FAM217A: variants seen among roughly 807,000 people sequenced by gnomAD.
The protein encoded by FAM217A is protein FAM217A.
In FAM217A, 13 loss-of-function variants were observed where a neutral mutation model predicts 18.5. The ratio of observed to expected loss-of-function variants is 0.70; its 90% CI spans 0.46 to 1.12. FAM217A has a LOEUF of 1.12. Ranked by LOEUF, FAM217A falls within the 50% of genes most tolerant of loss-of-function variation. The pLI is 0.00. For missense variants in FAM217A, 560 were observed against 575.4 expected, an observed-to-expected ratio of 0.97 and a Z score of 0.27; for synonymous variants, 161 against 202.8, an observed-to-expected ratio of 0.79 and a Z score of 1.75.
intron 6 of FAM217A, 114 bp downstream of exon 6, chr6:4,073,161 C>A: frequency 1.2e-6 from 1 of 821,682 alleles, no homozygotes; most frequent in Non-Finnish European, 1.9e-6. Context: ...ACTATTCCCA[C>A]AGAATACTAT....
In FAM217A at chr6:4,069,869, A is replaced by G. The variant is rs775522844; in HGVS notation, c.354T>C (p.Pro118=). The part of the protein sequence containing the change: ...VETGFNVINH[P]IRVFTLNHPL... ...GGTGGTTCAGAGTGAAGACCCTTAT[A>G]GGATGATTGATTACATTAAAGCCAG... Residue 118 remains proline, a synonymous_variant, in exon 7 of 7, where the codon CCT becomes CCC. Transcript: ENST00000274673. 1.2e-6 allele frequency: 2 copies of G among 1,605,362 alleles called. No homozygotes were observed. Among genetic ancestry groups the G allele is most frequent in the East Asian group, 4.5e-5 (2 of 44,824 alleles).
At chr6:4,083,932 A>AT (rs1369754889), upstream of FAM217A, among the ~76,000 whole-genome samples, 7 of 152,142 alleles carry the variant, frequency 4.6e-5, no homozygotes, top group Non-Finnish European at 7.4e-5. Flanking sequence ...AATAATATGC[A>AT]TTTTTGTTCT....
intron 2 of FAM217A, chr6:4,084,501 T>G: frequency 1.5e-6 from 1 of 673,702 alleles, no homozygotes; most frequent in East Asian, 2.7e-5. Context: ...ATGCCTATAC[T>G]CTGTAACTCT....
intron 1 of FAM217A, among the ~76,000 whole-genome samples, chr6:4,085,330 A>T: frequency 6.7e-6 from 1 of 149,632 alleles, no homozygotes; most frequent in Admixed American, 6.7e-5. Flanking sequence ...ATATATATAA[A>T]ATATGTAAAA....
upstream of FAM217A, among the ~76,000 whole-genome samples, chr6:4,082,870 G>A (rs1427918411): frequency 2.0e-5 from 3 of 152,154 alleles, no homozygotes; most frequent in Non-Finnish European, 4.4e-5. Context: ...TTTTGTACTT[G>A]AGTACTTCTC....
intron 4 of FAM217A, 74 bp from the exon 5 acceptor site, chr6:4,073,581 T>C (rs1165114114): frequency 8.3e-7 from 1 of 1,211,570 alleles, no homozygotes; most frequent in Non-Finnish European, 1.2e-6. Flanking sequence ...TGTATAGTTC[T>C]TGTTCTAATC....
chr6:4,076,987 T>C (rs1477390054), intron 2 of FAM217A, among the ~76,000 whole-genome samples: 1 of 152,204 alleles, frequency 6.6e-6, no homozygotes, highest in African/African-American at 2.4e-5. Context: ...GCAAATTTCT[T>C]AAGAGTTGGG....
chr6:4,084,212 C>G (rs1296042715), intron 2 of FAM217A, among the ~76,000 whole-genome samples: 1 of 152,148 alleles, frequency 6.6e-6, no homozygotes, highest in East Asian at 1.9e-4. Flanking sequence ...CTTTAACACT[C>G]TGCTCCCATA....
intron 2 of FAM217A, among the ~76,000 whole-genome samples, chr6:4,076,873 C>T (rs868519742): frequency 6.6e-6 from 1 of 152,012 alleles, no homozygotes; most frequent in Non-Finnish European, 1.5e-5. Flanking sequence ...GTCTCGTCTC[C>T]AAAACAAACA....
At chr6:4,079,757 A>G, upstream of FAM217A, 1 of 861,196 alleles carries the variant, frequency 1.2e-6, no homozygotes, top group Non-Finnish European at 1.5e-6. Context: ...TGTACAATAT[A>G]TTAACATAGA....
upstream of FAM217A, chr6:4,087,263 G>T (rs35304946): frequency 8.3e-7 from 1 of 1,200,858 alleles, no homozygotes; most frequent in South Asian, 4.2e-5. Flanking sequence ...ATGTCCAGAC[G>T]CAAGACTGGA....
chr6:4,068,941 C>A lies in FAM217A; in HGVS notation c.1282G>T (p.Val428Phe), dbSNP rs1395423968. 2 of 1,614,012 alleles carry A rather than the reference C, an allele frequency of 1.2e-6. No individual in the cohort carries two copies. The highest frequency in any genetic ancestry group is 1.1e-5 in the South Asian group (1 of 91,086). The part of the protein sequence containing the change: ...PTIGHTNQSM[V>F]KMVSTRCLPW... ...AGACATCTTGTGGAGACCATTTTAA[C>A]CATTGATTGATTTGTATGGCCAATA... Residue 428 changes from valine to phenylalanine, a missense_variant, in exon 7 of 7, where the codon GTT (valine) becomes TTT (phenylalanine). Physicochemically the swap from Val to Phe is conservative, Grantham distance 50. Transcript: ENST00000274673.
At chr6:4,076,699 C>A (rs1340232028) in intron 2 of FAM217A, among the ~76,000 whole-genome samples, 1 of 151,784 alleles carries the variant, frequency 6.6e-6, no homozygotes, top group African/African-American at 2.4e-5. Flanking sequence ...GCCAACATGT[C>A]GCTACTAAAA....
upstream of FAM217A, chr6:4,079,621 C>T: frequency 2.3e-6 from 3 of 1,286,846 alleles, no homozygotes; most frequent in Non-Finnish European, 3.0e-6. Context: ...GGGGCCCGGC[C>T]CACCCGCCTC....
At chr6:4,072,988 C>T (rs541676564) in intron 6 of FAM217A, among the ~76,000 whole-genome samples, 6 of 152,202 alleles carry the variant, frequency 3.9e-5, no homozygotes, top group Non-Finnish European at 8.8e-5. Context: ...TGCAATACTA[C>T]TTTCCTATTA....
chr6:4,073,510 A>G lies in FAM217A; in HGVS notation c.160-3T>C. 2 of 1,612,132 alleles carry G rather than the reference A, an allele frequency of 1.2e-6. No individual in the cohort carries two copies. The highest frequency in any genetic ancestry group is 2.7e-5 in the African/African-American group (2 of 74,982). On this transcript the variant is annotated splice_region_variant and splice_polypyrimidine_tract_variant and intron_variant, in intron 4 of 6. Coordinates refer to ENST00000274673, the MANE Select transcript of FAM217A (RefSeq NM_173563.3). ...TCCACTGGAATTTCCAAATAGTTCT[A>G]TAAGGCAGCAGAAGACTTTTAAACA...
intron 1 of FAM217A, chr6:4,084,819 C>G: frequency 1.4e-6 from 1 of 701,322 alleles, no homozygotes; most frequent in Non-Finnish European, 2.6e-6. Flanking sequence ...CTCTTAGGAA[C>G]AGAAAAAGGA....
At chr6:4,079,531 T>C (rs944357693), upstream of FAM217A, 81 of 1,078,540 alleles carry the variant, frequency 7.5e-5, no homozygotes, top group Middle Eastern at 6.8e-4. Context: ...TCCCCAGGCC[T>C]TCCCCGAGGC....
intron 6 of FAM217A, among the ~76,000 whole-genome samples, chr6:4,072,337 T>TCA (rs1160106951): frequency 6.6e-6 from 1 of 151,630 alleles, no homozygotes; most frequent in African/African-American, 2.4e-5. Flanking sequence ...TGAAACTTTG[T>TCA]CACACACACA....
Sources: allele counts gnomAD v4.1 joint callset (sites outside exome capture counted in the v4.1 genomes callset), GRCh38; gene constraint gnomAD v4.1.1; transcripts MANE v1.5; gene names NCBI Gene and HGNC (gene_info 2026-07-23, HGNC 2026-07-21).